KMT2A: variants seen among roughly 807,000 people sequenced by gnomAD.
The protein encoded by KMT2A is histone-lysine N-methyltransferase 2A.
KMT2A carries 16 observed loss-of-function variants against 345.3 expected under a neutral mutation model. That is an observed-to-expected ratio of 0.05 (90% confidence interval 0.03 to 0.07). The LOEUF (loss-of-function observed/expected upper bound fraction) is 0.07. KMT2A is among the 10% of genes least tolerant of loss of function. The pLI, the probability that KMT2A is intolerant of heterozygous loss-of-function variation, is 1.00. For missense variants in KMT2A, 3,272 were observed against 4,841.6 expected (o/e 0.68, Z 9.62); for synonymous variants, 1,599 against 1,778.6 (o/e 0.90, Z 2.54).
rs535975716 is a variant in KMT2A at position 118,526,586 on chromosome 11, G to GAA, written c.*4425_*4426dup. 41 of 184,014 alleles carry GAA rather than the reference G, an allele frequency of 2.2e-4. No individual in the cohort carries two copies. Among genetic ancestry groups the GAA allele is most frequent in the Middle Eastern group, 1.7e-3 (1 of 606 alleles). 11.4% of individuals were successfully genotyped at this position (184,014 alleles called of 1,614,324 possible). ...CCAAGCTTCTGGTTAGAGAAAAAGAGAAAAAAAAAAAAGGAAAATGTGTCT... is the reference window on the plus strand; with the variant it reads ...CCAAGCTTCTGGTTAGAGAAAAAGAGAAAAAAAAAAAAAAGGAAAATGTGTCT... On this transcript the variant is annotated 3_prime_UTR_variant, in exon 36 of 36. Coordinates refer to ENST00000534358, the MANE Select transcript of KMT2A (RefSeq NM_001197104.2).
chr11:118,473,680 C>G lies in KMT2A; in HGVS notation c.2521C>G (p.Pro841Ala), dbSNP rs2134269842. The G allele has an allele frequency of 6.2e-7, 1 of 1,614,124 alleles. No individual in the cohort carries two copies. The highest frequency in any genetic ancestry group is 8.5e-7 in the Non-Finnish European group (1 of 1,180,034). ...TACTCCTCTCTTCCCTTGGTTTACC[C>G]CAGGCTCTCAGACTGAAAGAGGGAG... is the stretch of plus-strand genomic sequence containing the variant. ...SPTPLFPWFT[P>A]GSQTERGRNK... Residue 841 changes from proline (P) to alanine (A), a missense_variant, in exon 3 of 36, where the codon CCA (proline) becomes GCA (alanine). Coordinates refer to ENST00000534358, the MANE Select transcript of KMT2A (RefSeq NM_001197104.2). The surrounding 1 kb of genome is among the most constrained non-coding windows in gnomAD (Gnocchi z 5.2).
chr11:118,500,245 C>T (rs1318277325), intron 24 of KMT2A, among the ~76,000 whole-genome samples: 1 of 152,174 alleles, frequency 6.6e-6, no homozygotes, highest in Non-Finnish European at 1.5e-5. Context: ...GATAAAACAG[C>T]TCATGCCCTG....
chr11:118,447,679 A>G (rs1591347507), intron 1 of KMT2A: 3 of 452,186 alleles, frequency 6.6e-6, no homozygotes, highest in Non-Finnish European at 1.3e-5. Flanking sequence ...GAGGAGACTC[A>G]AAAGATGATT....
chr11:118,496,415 A>G lies in KMT2A; in HGVS notation c.5664+48A>G. On this transcript the variant is annotated intron_variant, in intron 20 of 35. Coordinates refer to ENST00000534358, the MANE Select transcript of KMT2A (RefSeq NM_001197104.2). The surrounding 1 kb of genome is among the most constrained non-coding windows in gnomAD (Gnocchi z 4.7). ...CCCTAGTTAATACATACTCCAAAAGAACTGTTTGTCCTTGTGTCCATACTT... is the reference window on the plus strand; with the variant it reads ...CCCTAGTTAATACATACTCCAAAAGGACTGTTTGTCCTTGTGTCCATACTT... 1 of 1,312,764 alleles carries G rather than the reference A, an allele frequency of 7.6e-7. No homozygotes were observed. Among genetic ancestry groups the G allele is most frequent in the Non-Finnish European group, 1.1e-6 (1 of 906,532 alleles). The allele number at this position is 1,312,764 out of a possible 1,614,324, so 81.3% of individuals were successfully genotyped here.
Position 118,505,938 on chromosome 11 carries a change from T to C in KMT2A, c.10046T>C (p.Met3349Thr). The change falls in exon 27 of 36, where the codon ATG becomes ACG. Residue 3349 changes from methionine (M) to threonine (T), a missense_variant. Coordinates refer to ENST00000534358, the MANE Select transcript of KMT2A (RefSeq NM_001197104.2). The surrounding 1 kb of genome is among the most constrained non-coding windows in gnomAD (Gnocchi z 4.6). Reference protein sequence around the residue: ...SSSSVLNVVSMQTTTTPTSSA... With the variant: ...SSSSVLNVVSTQTTTTPTSSA... ...TCCTCTGTCTTGAATGTTGTATCCATGCAAACTACCACAACCCCTACAAGT... is the reference window on the plus strand; with the variant it reads ...TCCTCTGTCTTGAATGTTGTATCCACGCAAACTACCACAACCCCTACAAGT... 2 of 1,614,184 alleles carry C rather than the reference T, an allele frequency of 1.2e-6. No homozygotes were observed. Among genetic ancestry groups the C allele is most frequent in the Non-Finnish European group, 1.7e-6 (2 of 1,180,040 alleles).
rs1555039240 is a variant in KMT2A, at chr11:118,481,727, A to C, written c.3647A>C (p.Lys1216Thr). The change falls in exon 7 of 36, where the codon AAA (lysine) becomes ACA (threonine). Residue 1216 changes from lysine (K) to threonine (T), a missense_variant. Physicochemically the swap from Lys to Thr is moderately conservative, Grantham distance 78 (BLOSUM62 -1). Around this residue, in one of 27 missense-constraint regions of KMT2A, gnomAD observed 26 missense variants for 90.5 expected, o/e 0.29. Transcript: ENST00000534358. ...GTTTTTCCCTCAGCTGTGAAAAAGA[A>C]AGAGAAAAAGTCTAAGACCAGTGAA... The part of the protein sequence containing the change: ...LQKQAKAVKK[K>T]EKKSKTSEKK... 2 of 1,607,724 alleles carry C rather than the reference A, an allele frequency of 1.2e-6. No homozygotes were observed. The highest frequency in any genetic ancestry group is 8.5e-7 in the Non-Finnish European group (1 of 1,177,706).
intron 31 of KMT2A, 135 bp downstream of exon 31, chr11:118,512,160 T>C (rs1950701618): frequency 2.9e-6 from 2 of 678,604 alleles, no homozygotes; most frequent in African/African-American, 3.6e-5. Context: ...TTAATTCATA[T>C]ACCATACAGT....
intron 1 of KMT2A, among the ~76,000 whole-genome samples, chr11:118,446,414 C>T (rs1949422948): frequency 6.6e-6 from 1 of 152,174 alleles, no homozygotes; most frequent in Non-Finnish European, 1.5e-5. Flanking sequence ...CAGAAACCAT[C>T]AATACACCTC....
At chr11:118,452,067 G>A (rs188174972) in intron 1 of KMT2A, among the ~76,000 whole-genome samples, 1 of 152,196 alleles carries the variant, frequency 6.6e-6, no homozygotes, top group Admixed American at 6.5e-5. Flanking sequence ...GTCTCACTAT[G>A]TTACCTGCGC....
chr11:118,483,489 C>T (rs1329639686), intron 8 of KMT2A, among the ~76,000 whole-genome samples: 2 of 152,164 alleles, frequency 1.3e-5, no homozygotes, highest in Middle Eastern at 3.4e-3. Context: ...GCCGAGATCG[C>T]GCCACTGCAC....
chr11:118,475,695 C>T (rs1363916442), intron 3 of KMT2A, among the ~76,000 whole-genome samples: 2 of 152,098 alleles, frequency 1.3e-5, no homozygotes, highest in Non-Finnish European at 1.5e-5. Context: ...TACACTCCAG[C>T]CTGGGTGACA....
chr11:118,460,254 C>T (rs1303857056), intron 1 of KMT2A, among the ~76,000 whole-genome samples: 1 of 152,158 alleles, frequency 6.6e-6, no homozygotes, highest in Non-Finnish European at 1.5e-5. Flanking sequence ...TTGAATATTT[C>T]TCCATGAACC....
intron 25 of KMT2A, among the ~76,000 whole-genome samples, 198 bp from the exon 26 acceptor site, chr11:118,501,472 GAA>G (rs376694691): frequency 7.6e-6 from 1 of 131,256 alleles, no homozygotes. Context: ...GTGTCTCAAA[GAA>G]AAAAAAAAAA....
intron 3 of KMT2A, 105 bp downstream of exon 3, chr11:118,474,420 GAAA>G: frequency 7.3e-7 from 1 of 1,375,170 alleles, no homozygotes; most frequent in Non-Finnish European, 9.7e-7. Flanking sequence ...TGAGAACCAA[GAAA>G]AGTATGGTGG....
rs547129080 is a variant in KMT2A, at chr11:118,442,723, A to G, written c.432+5779A>G. 1.6e-4 allele frequency among the ~76,000 whole-genome samples: 25 copies of G among 152,222 alleles called. No individual in the cohort carries two copies. The South Asian group carries it at 4.8e-3, about 29-fold the overall frequency. On this transcript the variant is annotated intron_variant, in intron 1 of 35. Transcript: ENST00000534358. ...TAAGAATACCCTTGTAGGCTCCACTATTTCTTGAGATTTTCAGGAATTGTC... is the reference window on the plus strand; with the variant it reads ...TAAGAATACCCTTGTAGGCTCCACTGTTTCTTGAGATTTTCAGGAATTGTC...
intron 1 of KMT2A, among the ~76,000 whole-genome samples, chr11:118,451,249 C>T (rs1425235259): frequency 3.4e-5 from 5 of 145,564 alleles, no homozygotes; most frequent in African/African-American, 1.0e-4. Context: ...TTTTGCTCTT[C>T]CACCCAGGCT....
chr11:118,474,657 GT>G (rs1479468963), intron 3 of KMT2A, among the ~76,000 whole-genome samples: 14 of 152,296 alleles, frequency 9.2e-5, no homozygotes, highest in African/African-American at 3.4e-4. Flanking sequence ...ATGCTGAGTT[GT>G]TTGTACCTTA....
intron 1 of KMT2A, among the ~76,000 whole-genome samples, chr11:118,461,355 A>G (rs1949739548): frequency 6.6e-6 from 1 of 152,314 alleles, no homozygotes; most frequent in East Asian, 1.9e-4. Flanking sequence ...CTACATGTTT[A>G]TTATTTTTAC....
At chr11:118,456,293 C>T (rs1949641213) in intron 1 of KMT2A, among the ~76,000 whole-genome samples, 1 of 151,940 alleles carries the variant, frequency 6.6e-6, no homozygotes, top group African/African-American at 2.4e-5. Context: ...TTCAGACCAG[C>T]CTGGGCAATA....
Sources: gnomAD v4.1 joint callset for allele counts (sites outside exome capture counted in the v4.1 genomes callset) on GRCh38, gnomAD v4.1.1 for gene constraint, gnomAD v4.1.1 regional missense constraint, Gnocchi (gnomAD v3.1) non-coding constraint, MANE v1.5 for transcripts, NCBI Gene and HGNC (gene_info 2026-07-23, HGNC 2026-07-21) for gene names.